Variants in NAV2 observed in about 807,000 individuals in gnomAD.
NAV2 encodes the protein neuron navigator 2.
In NAV2, 54 loss-of-function variants were observed where a neutral mutation model predicts 223.2. The ratio of observed to expected loss-of-function variants is 0.24; its 90% CI spans 0.19 to 0.30. The LOEUF (loss-of-function observed/expected upper bound fraction) is 0.30. Ranked by LOEUF, NAV2 falls within the 10% of genes least tolerant of loss-of-function variation. NAV2 has a pLI of 1.00. For missense variants in NAV2, 2,806 were observed against 3,147.5 expected, an observed-to-expected ratio of 0.89 and a Z score of 2.60; for synonymous variants, 1,279 against 1,239.3, an observed-to-expected ratio of 1.03 and a Z score of -0.67.
chr11:19,835,504 A>G (rs939150935), intron 2 of NAV2, among the ~76,000 whole-genome samples: 1 of 152,046 alleles, frequency 6.6e-6, no homozygotes, highest in African/African-American at 2.4e-5. Flanking sequence ...TTACTCTTAG[A>G]TTGTCTTATG....
chr11:19,548,470 G>C (rs920617393), intron 1 of NAV2, among the ~76,000 whole-genome samples: 1 of 152,288 alleles, frequency 6.6e-6, no homozygotes, highest in East Asian at 1.9e-4. Context: ...AGGTCTCACT[G>C]ATGGTTACTG....
chr11:19,496,739 A>G (rs993114149), intron 1 of NAV2, among the ~76,000 whole-genome samples: 2 of 152,238 alleles, frequency 1.3e-5, no homozygotes, highest in African/African-American at 4.8e-5. Context: ...GCTGGCTGCC[A>G]TAATGCTATC....
At chr11:19,979,027 G>A (rs766504852) in intron 10 of NAV2, 12 of 152,214 alleles carry the variant, frequency 7.9e-5, no homozygotes, top group Non-Finnish European at 1.8e-4. Context: ...CATAGCTAGT[G>A]TCAGTTACCA....
chr11:19,616,312 G>C (rs2046789228), intron 1 of NAV2, among the ~76,000 whole-genome samples: 12 of 148,986 alleles, frequency 8.1e-5, no homozygotes, highest in African/African-American at 3.0e-4. Flanking sequence ...GACTGTGTGT[G>C]TGTGTGTGTG....
At chr11:20,048,332 T>C (rs2057665392) in intron 14 of NAV2, among the ~76,000 whole-genome samples, 1 of 152,170 alleles carries the variant, frequency 6.6e-6, no homozygotes, top group Non-Finnish European at 1.5e-5. Context: ...GCTTTATGCC[T>C]GGGGCCGCAG....
chr11:19,726,129 G>A (rs2051221934), intron 1 of NAV2, among the ~76,000 whole-genome samples: 1 of 152,142 alleles, frequency 6.6e-6, no homozygotes, highest in Non-Finnish European at 1.5e-5. Flanking sequence ...TAAAAGAAAT[G>A]GGAAAGGAAA....
chr11:19,416,915 C>T (rs764690430), intron 1 of NAV2, among the ~76,000 whole-genome samples: 15 of 152,118 alleles, frequency 9.9e-5, no homozygotes, highest in Non-Finnish European at 1.3e-4. Flanking sequence ...GAAACTGTAC[C>T]GCTTCCTTAC....
intron 6 of NAV2, among the ~76,000 whole-genome samples, chr11:19,909,901 T>A (rs1174740628): frequency 6.6e-6 from 1 of 152,110 alleles, no homozygotes; most frequent in Non-Finnish European, 1.5e-5. Context: ...TTATAAGGCA[T>A]ATATAATAAC....
At chr11:19,773,010 GA>G (rs2055841304) in intron 1 of NAV2, among the ~76,000 whole-genome samples, 1 of 152,204 alleles carries the variant, frequency 6.6e-6, no homozygotes, top group South Asian at 2.1e-4. Context: ...TCTTAGTGAA[GA>G]AAAGAAGGTC....
intron 19 of NAV2, among the ~76,000 whole-genome samples, chr11:20,058,936 A>C (rs1443863845): frequency 1.3e-5 from 2 of 152,156 alleles, no homozygotes; most frequent in Non-Finnish European, 2.9e-5. Context: ...AAGGGCCATT[A>C]TCATCCTCAT....
At chr11:19,442,174 G>A (rs1311766676) in intron 1 of NAV2, among the ~76,000 whole-genome samples, 2 of 152,220 alleles carry the variant, frequency 1.3e-5, no homozygotes, top group Non-Finnish European at 2.9e-5. Flanking sequence ...CTGGGGAGGG[G>A]AGACTGTGTG....
At chr11:19,549,961 C>A (rs567541401) in intron 1 of NAV2, among the ~76,000 whole-genome samples, 7 of 152,332 alleles carry the variant, frequency 4.6e-5, no homozygotes, top group African/African-American at 1.7e-4. Context: ...GCAGGGAAAG[C>A]AAAATAGGGG....
At chr11:19,525,738 A>G (rs2043820448) in intron 1 of NAV2, among the ~76,000 whole-genome samples, 1 of 152,222 alleles carries the variant, frequency 6.6e-6, no homozygotes, top group Non-Finnish European at 1.5e-5. Context: ...CAGTGCCCTC[A>G]TTCTGCATTT....
At chr11:19,618,408 G>GAAAA (rs1288064251) in intron 1 of NAV2, among the ~76,000 whole-genome samples, 2 of 142,124 alleles carry the variant, frequency 1.4e-5, no homozygotes, top group Non-Finnish European at 3.0e-5. Flanking sequence ...ATAGATGGAT[G>GAAAA]GATGGATGGA....
chr11:19,919,306 G>A (rs1204265525), intron 6 of NAV2, among the ~76,000 whole-genome samples: 5 of 151,252 alleles, frequency 3.3e-5, no homozygotes, highest in South Asian at 2.1e-4. Context: ...AGCCATGCAC[G>A]TGGGTGAGAA....
chr11:19,953,117 G>A (rs922338764), intron 10 of NAV2, among the ~76,000 whole-genome samples: 2 of 152,118 alleles, frequency 1.3e-5, no homozygotes, highest in African/African-American at 4.8e-5. Flanking sequence ...CAGACTCCAC[G>A]TCCATATGTT....
chr11:19,638,278 C>T (rs993248834), intron 1 of NAV2, among the ~76,000 whole-genome samples: 13 of 152,224 alleles, frequency 8.5e-5, no homozygotes, highest in Admixed American at 2.6e-4. Flanking sequence ...AAATGAGTTT[C>T]ACTCTCTGTG....
intron 1 of NAV2, among the ~76,000 whole-genome samples, chr11:19,379,643 C>T (rs370116155): frequency 8.5e-5 from 13 of 152,198 alleles, no homozygotes; most frequent in East Asian, 7.7e-4. Context: ...TTCCCTCCTC[C>T]GGCATCTTCC....
chr11:19,721,166 C>G (rs1452774351), intron 1 of NAV2, among the ~76,000 whole-genome samples: 1 of 152,174 alleles, frequency 6.6e-6, no homozygotes, highest in Non-Finnish European at 1.5e-5. Context: ...GAAAAAATAT[C>G]TGAAAAAATG....
Sources: allele counts gnomAD v4.1 joint callset (sites outside exome capture counted in the v4.1 genomes callset), GRCh38; gene constraint gnomAD v4.1.1; transcripts MANE v1.5; gene names NCBI Gene and HGNC (gene_info 2026-07-23, HGNC 2026-07-21).